Variants in RSRP1 observed in about 807,000 individuals in gnomAD.
RSRP1 encodes arginine/serine-rich protein 1.
RSRP1 carries 37 observed loss-of-function variants against 33.0 expected under a neutral mutation model. The ratio of observed to expected loss-of-function variants is 1.12; its 90% CI spans 0.86 to 1.48. RSRP1 has a LOEUF of 1.48. RSRP1 is among the 40% of genes most tolerant of loss of function. RSRP1 has a pLI of 0.00. For synonymous variants in RSRP1, 167 were observed against 158.7 expected (o/e 1.05, Z -0.40); for missense variants, 402 against 385.3 (o/e 1.04, Z -0.36).
chr1:25,274,891 G>C lies in RSRP1; in HGVS notation c.-66-27862C>G, dbSNP rs759019696. 2.3e-5 allele frequency among the ~76,000 whole-genome samples: 3 copies of C among 129,350 alleles called. 1 individual carries two copies. The highest frequency in any genetic ancestry group is 5.5e-5 in the Non-Finnish European group (3 of 54,524). The allele number at this position is 129,350 out of a possible 152,430, so 84.9% of individuals were successfully genotyped here. On this transcript the variant is annotated intron_variant, in intron 1 of 1. Transcript: ENST00000561867. ...GTGTGGTGGCACACGTCTATAATCC[G>C]AGCTACTTGGGAGGCCATTACACTC...
intron 3 of RSRP1, chr1:25,244,442 T>C (rs1444287547): frequency 3.9e-6 from 5 of 1,289,294 alleles, no homozygotes; most frequent in African/African-American, 3.0e-5. Flanking sequence ...CTTTAGCCCA[T>C]GTATCAATTA....
intron 1 of RSRP1, among the ~76,000 whole-genome samples, chr1:25,262,026 T>A (rs2124563654): frequency 6.6e-6 from 1 of 152,298 alleles, no homozygotes; most frequent in South Asian, 2.1e-4. Context: ...ATGTGATTTC[T>A]TATTTCCCAC....
At chr1:25,248,931 CTA>C (rs1639677991), upstream of RSRP1, among the ~76,000 whole-genome samples, 1 of 152,094 alleles carries the variant, frequency 6.6e-6, no homozygotes, top group Non-Finnish European at 1.5e-5. Context: ...GGAAGATCAC[CTA>C]AGATCAGGAG....
At chr1:25,272,845 T>C in intron 1 of RSRP1, 2 of 1,052,434 alleles carry the variant, frequency 1.9e-6, no homozygotes, top group East Asian at 2.3e-5. Flanking sequence ...TGCACCGAAA[T>C]TCAGCCAACA....
intron 1 of RSRP1, among the ~76,000 whole-genome samples, chr1:25,262,738 G>T (rs1318999881): frequency 6.6e-6 from 1 of 152,194 alleles, no homozygotes; most frequent in Non-Finnish European, 1.5e-5. Flanking sequence ...AGACCCAACA[G>T]CCTGGGATCC....
At chr1:25,294,412 C>A in intron 1 of RSRP1, 1 of 731,748 alleles carries the variant, frequency 1.4e-6, no homozygotes, top group Non-Finnish European at 2.5e-6. Context: ...GGAAGCAGAC[C>A]CGGGAGCAAA....
At position 25,307,716 on chromosome 1, in the gene RSRP1, G is replaced by A. The variant is rs1191152308; in HGVS notation, c.-67+30262C>T. 3.5e-5 allele frequency: 46 copies of A among 1,308,404 alleles called. 13 individuals are homozygous for A. The highest frequency in any genetic ancestry group is 4.5e-5 in the Non-Finnish European group (43 of 950,346). 81.0% of individuals were successfully genotyped at this position (1,308,404 alleles called of 1,614,324 possible). A position where few individuals can be genotyped will look rare whatever the true frequency, so the allele number is the denominator to read the frequency against. On this transcript the variant is annotated intron_variant, in intron 1 of 1. Transcript: ENST00000561867. Reference sequence around the variant, plus strand: ...ATGAGGAGCTGATGCGTTTGGACGTGTCTCAGAGAAATCATGGAGGCGCTG... The same window carrying A: ...ATGAGGAGCTGATGCGTTTGGACGTATCTCAGAGAAATCATGGAGGCGCTG...
Position 25,302,273 on chromosome 1 carries a change from G to T in RSRP1, c.-67+35705C>A, listed in dbSNP as rs1371152912. Reference sequence around the variant, plus strand: ...ACGATGGTGTGTGTGAGTCTTGTGGGCAGAGATGGGTGAGAGGGGAGACAA... The same window carrying T: ...ACGATGGTGTGTGTGAGTCTTGTGGTCAGAGATGGGTGAGAGGGGAGACAA... On this transcript the variant is annotated intron_variant, in intron 1 of 1. Transcript: ENST00000561867. Among the ~76,000 whole-genome samples the T allele has an allele frequency of 1.5e-4, 20 of 130,248 alleles. 5 individuals are homozygous for T. The South Asian group carries it at 3.0e-3, about 20-fold the overall frequency. The allele number at this position is 130,248 out of a possible 152,430, so 85.4% of individuals were successfully genotyped here.
rs569386229 is a variant in RSRP1, at chr1:25,319,605, T to C, written c.-67+18373A>G. Among the ~76,000 whole-genome samples the C allele has an allele frequency of 3.8e-5, 5 of 131,620 alleles. 1 individual carries two copies. The highest frequency in any genetic ancestry group is 3.7e-4 in the Admixed American group (5 of 13,522). The allele number at this position is 131,620 out of a possible 152,430, so 86.3% of individuals were successfully genotyped here. ...GCCTGGACAACAGAGCAAGACCCTG[T>C]CTCAAAAAAGGAAACAAAACAACTT... On this transcript the variant is annotated intron_variant, in intron 1 of 1. Transcript: ENST00000561867.
chr1:25,301,127 T>A, intron 1 of RSRP1: 1 of 1,368,624 alleles, frequency 7.3e-7, no homozygotes. Context: ...GTCTCCTACT[T>A]GGGCTGAGCA....
At chr1:25,249,081 G>A (rs542721769), upstream of RSRP1, among the ~76,000 whole-genome samples, 497 of 152,200 alleles carry the variant, frequency 3.3e-3, 1 homozygote, top group Non-Finnish European at 4.9e-3. Flanking sequence ...CCTGAGAGGC[G>A]GAGGTTGCAG....
intron 3 of RSRP1, chr1:25,244,819 G>A: frequency 3.1e-6 from 3 of 952,494 alleles, no homozygotes; most frequent in Non-Finnish European, 4.1e-6. Flanking sequence ...AAACAGCTGG[G>A]ACTACAGGCA....
intron 4 of RSRP1, among the ~76,000 whole-genome samples, 164 bp downstream of exon 4, chr1:25,243,386 T>A (rs571123242): frequency 2.6e-5 from 4 of 152,196 alleles, no homozygotes; most frequent in Non-Finnish European, 5.9e-5. Flanking sequence ...TACAAACCCA[T>A]TATAATGGCC....
At chr1:25,332,144 C>A (rs111285545) in intron 1 of RSRP1, among the ~76,000 whole-genome samples, 5,287 of 124,180 alleles carry the variant, frequency 0.043, 825 homozygotes, top group African/African-American at 0.14. Flanking sequence ...TCAAGCGATT[C>A]TCCCACCTCT....
chr1:25,284,980 A>G (rs141668319), intron 1 of RSRP1, among the ~76,000 whole-genome samples: 2,743 of 135,044 alleles, frequency 0.02, 414 homozygotes, highest in African/African-American at 0.065. Context: ...ATCACAAGGA[A>G]TCCAGGCCTA....
intron 1 of RSRP1, chr1:25,318,036 T>G (rs1644498813): frequency 7.6e-6 from 1 of 130,946 alleles, no homozygotes; most frequent in Admixed American, 7.5e-5. Flanking sequence ...CAGGTGAAAA[T>G]ATGTGGCTAG....
At chr1:25,324,542 A>G (rs1459963418) in intron 1 of RSRP1, among the ~76,000 whole-genome samples, 1 of 152,158 alleles carries the variant, frequency 6.6e-6, no homozygotes, top group Non-Finnish European at 1.5e-5. Flanking sequence ...GTTATTTTAA[A>G]GATCAAGTGA....
Position 25,307,084 on chromosome 1 carries a change from C to G in RSRP1, c.-67+30894G>C, listed in dbSNP as rs1356516116. 70 of 326,524 alleles carry G rather than the reference C, an allele frequency of 2.1e-4. 11 individuals carry two copies. The highest frequency in any genetic ancestry group is 1.6e-3 in the Admixed American group (40 of 25,146). The allele number at this position is 326,524 out of a possible 1,614,324, so 20.2% of individuals were successfully genotyped here. On this transcript the variant is annotated intron_variant, in intron 1 of 1. Transcript: ENST00000561867. ...GCTGTGGACGTGCTCCCACTGCGTACTAGCTGGGCATGTGGCTTAACCTTT... is the reference window on the plus strand; with the variant it reads ...GCTGTGGACGTGCTCCCACTGCGTAGTAGCTGGGCATGTGGCTTAACCTTT...
Position 25,320,618 on chromosome 1 carries a change from G to A in RSRP1, c.-67+17360C>T, listed in dbSNP as rs1424402706. Among the ~76,000 whole-genome samples, 44 of 131,984 alleles carry A rather than the reference G, an allele frequency of 3.3e-4. 5 individuals are homozygous for A. The highest frequency in any genetic ancestry group is 9.5e-4 in the African/African-American group (37 of 38,822). The allele number at this position is 131,984 out of a possible 152,430, so 86.6% of individuals were successfully genotyped here. A position where few individuals can be genotyped will look rare whatever the true frequency, so the allele number is the denominator to read the frequency against. On this transcript the variant is annotated intron_variant, in intron 1 of 1. Coordinates refer to the RSRP1 transcript ENST00000561867. ...AACTGATCATCCTTAATAATACACA[G>A]ATAAATCTATCAGGAGCATTTCCTT...
Sources: gnomAD v4.1 joint callset for allele counts (sites outside exome capture counted in the v4.1 genomes callset) on GRCh38, gnomAD v4.1.1 for gene constraint, MANE v1.5 for transcripts, NCBI Gene and HGNC (gene_info 2026-07-23, HGNC 2026-07-21) for gene names.